Variants in AP3S2 observed in about 807,000 individuals in gnomAD.
AP3S2 encodes the protein AP-3 complex subunit sigma-2.
AP3S2 carries 22 observed loss-of-function variants against 23.4 expected under a neutral mutation model. The observed-to-expected ratio is 0.94, with a 90% CI of 0.67 to 1.34. The LOEUF (loss-of-function observed/expected upper bound fraction) is 1.34, where lower values mean the gene tolerates loss of function less well. Among genes scored for constraint, AP3S2 ranks in the 40% most tolerant of loss-of-function variants. AP3S2 has a pLI of 0.00. For synonymous variants in AP3S2, 86 were observed against 87.1 expected (o/e 0.99, Z 0.07); for missense variants, 241 against 236.9 (o/e 1.02, Z -0.11).
intron 4 of AP3S2, among the ~76,000 whole-genome samples, chr15:89,848,039 G>C (rs1043973095): frequency 1.3e-5 from 2 of 152,196 alleles, no homozygotes; most frequent in Non-Finnish European, 2.9e-5. Context: ...CTAGCAGCAT[G>C]TTAATGCATG....
chr15:89,836,526 G>A (rs968672475), intron 5 of AP3S2, among the ~76,000 whole-genome samples: 3 of 152,144 alleles, frequency 2.0e-5, no homozygotes, highest in Non-Finnish European at 4.4e-5. Flanking sequence ...AAGGTGGGGG[G>A]TATCACAGAT....
intron 3 of AP3S2, among the ~76,000 whole-genome samples, chr15:89,883,618 A>T (rs1415419225): frequency 6.6e-6 from 1 of 152,042 alleles, no homozygotes; most frequent in African/African-American, 2.4e-5. Flanking sequence ...AGCTCAAGTG[A>T]TCCTCCTGCC....
intron 4 of AP3S2, chr15:89,845,885 T>A (rs568834389): frequency 5.3e-5 from 8 of 152,338 alleles, no homozygotes; most frequent in African/African-American, 1.7e-4. Context: ...ATAATGACAC[T>A]AGCAAAATTC....
intron 4 of AP3S2, among the ~76,000 whole-genome samples, chr15:89,846,091 T>C (rs1433539405): frequency 6.6e-6 from 1 of 152,206 alleles, no homozygotes; most frequent in African/African-American, 2.4e-5. Context: ...ATGCTTCGGG[T>C]GATAAATCTG....
chr15:89,882,385 C>T (rs1279586264), intron 3 of AP3S2, among the ~76,000 whole-genome samples: 4 of 147,308 alleles, frequency 2.7e-5, no homozygotes, highest in South Asian at 2.1e-4. Flanking sequence ...TTTTTTGAGA[C>T]GGAGTTTCGC....
intron 4 of AP3S2, among the ~76,000 whole-genome samples, chr15:89,844,216 TTTC>T (rs1324546922): frequency 3.4e-4 from 5 of 14,560 alleles, no homozygotes; most frequent in Non-Finnish European, 6.0e-4. Flanking sequence ...TTTCTCTTTC[TTTC>T]TTTCTTTCTT....
chr15:89,840,910 C>T (rs1480010875), intron 4 of AP3S2, among the ~76,000 whole-genome samples: 2 of 152,186 alleles, frequency 1.3e-5, no homozygotes, highest in African/African-American at 4.8e-5. Flanking sequence ...CATCCCTGAC[C>T]CCTAGTCCAC....
chr15:89,862,484 C>T lies in AP3S2; in HGVS notation c.345+8991G>A, dbSNP rs552417032. Among the ~76,000 whole-genome samples, 27 of 152,018 alleles carry T rather than the reference C, an allele frequency of 1.8e-4. No individual in the cohort carries two copies. In the South Asian group the frequency reaches 5.6e-3, roughly 32 times the overall value. ...GATGTCTGCAACTAATTCTCAAAAT[C>T]GTTCAGGAAAAAAAGTATATATGTA... On this transcript the variant is annotated intron_variant, in intron 4 of 5. Transcript: ENST00000336418.
intron 3 of AP3S2, among the ~76,000 whole-genome samples, chr15:89,875,546 G>C (rs1896422456): frequency 6.6e-6 from 1 of 152,204 alleles, no homozygotes. Context: ...CCTATTTCAT[G>C]ATGAGGCAAG....
chr15:89,880,755 TA>T (rs1403058530), intron 3 of AP3S2, among the ~76,000 whole-genome samples: 1 of 151,670 alleles, frequency 6.6e-6, no homozygotes, highest in Non-Finnish European at 1.5e-5. Flanking sequence ...CTCAGTAGAA[TA>T]AAATGAAGAA....
chr15:89,878,296 T>C (rs1306415526), intron 3 of AP3S2: 1 of 664,294 alleles, frequency 1.5e-6, no homozygotes, highest in Non-Finnish European at 2.7e-6. Context: ...AACTTCCAGA[T>C]GTACCTACAT....
intron 3 of AP3S2, among the ~76,000 whole-genome samples, chr15:89,885,560 A>G (rs1174305142): frequency 6.6e-6 from 1 of 152,218 alleles, no homozygotes; most frequent in African/African-American, 2.4e-5. Context: ...AACTATGTAT[A>G]TATCATCCCT....
At chr15:89,881,866 G>T (rs1308855582) in intron 3 of AP3S2, among the ~76,000 whole-genome samples, 5 of 151,522 alleles carry the variant, frequency 3.3e-5, no homozygotes, top group African/African-American at 1.2e-4. Context: ...TGTCGCCCAG[G>T]CTGGAGCGCA....
At position 89,834,204 on chromosome 15, in the gene AP3S2, G is replaced by A. The variant is rs1485731931; in HGVS notation, c.*1311C>T. 2 of 152,300 alleles carry A rather than the reference G, an allele frequency of 1.3e-5. No homozygotes were observed. Among genetic ancestry groups the A allele is most frequent in the South Asian group, 4.1e-4 (2 of 4,838 alleles). 9.4% of individuals were successfully genotyped at this position (152,300 alleles called of 1,614,324 possible). A position where few individuals can be genotyped will look rare whatever the true frequency, so the allele number is the denominator to read the frequency against. ...GTGCGTCATGTCCAGGCCCCACAAG[G>A]GTGACCCTGGCTCAGGTTCTCATGC... On this transcript the variant is annotated 3_prime_UTR_variant, in exon 6 of 6. Transcript: ENST00000336418.
chr15:89,835,892 G>A (rs1412621116), intron 5 of AP3S2, among the ~76,000 whole-genome samples: 1 of 152,034 alleles, frequency 6.6e-6, no homozygotes, highest in Non-Finnish European at 1.5e-5. Flanking sequence ...GCCAGGAGTG[G>A]TGGCGGGCCC....
At chr15:89,892,655 T>C (rs975363350) in intron 1 of AP3S2, among the ~76,000 whole-genome samples, 8 of 136,458 alleles carry the variant, frequency 5.9e-5, no homozygotes, top group African/African-American at 2.2e-4. Context: ...TACATACATA[T>C]ATATATATAC....
intron 4 of AP3S2, among the ~76,000 whole-genome samples, chr15:89,857,246 T>C (rs1895863049): frequency 6.6e-6 from 1 of 152,166 alleles, no homozygotes; most frequent in South Asian, 2.1e-4. Flanking sequence ...CCTCCCAAAG[T>C]GCTGGGATTA....
chr15:89,891,716 A>AAAAT (rs768841972), intron 1 of AP3S2, among the ~76,000 whole-genome samples: 2 of 152,136 alleles, frequency 1.3e-5, no homozygotes, highest in African/African-American at 4.8e-5. Flanking sequence ...TCTTTAACCA[A>AAAAT]AAATAAATAA....
Position 89,835,269 on chromosome 15 carries a change from C to A in AP3S2, c.*246G>T. On this transcript the variant is annotated 3_prime_UTR_variant, in exon 6 of 6. Transcript: ENST00000336418. ...CCCTACTGAGGAAGGCAGGGCCCCT[C>A]ACATCTGCAGTGGCCGTATGCATCA... is the stretch of plus-strand genomic sequence containing the variant. The A allele has an allele frequency of 1.7e-6, 1 of 574,606 alleles. No homozygotes were observed. Among genetic ancestry groups the A allele is most frequent in the Middle Eastern group, 4.7e-4 (1 of 2,150 alleles). The allele number at this position is 574,606 out of a possible 1,614,324, so 35.6% of individuals were successfully genotyped here. A position where few individuals can be genotyped will look rare whatever the true frequency, so the allele number is the denominator to read the frequency against.
Sources: allele counts gnomAD v4.1 joint callset (sites outside exome capture counted in the v4.1 genomes callset), GRCh38; gene constraint gnomAD v4.1.1; transcripts MANE v1.5; gene names NCBI Gene and HGNC (gene_info 2026-07-23, HGNC 2026-07-21).